Variants in PSPC1 observed in about 807,000 individuals in gnomAD.
PSPC1 encodes the protein paraspeckle component 1.
PSPC1 carries 14 observed loss-of-function variants against 51.6 expected under a neutral mutation model. That is an observed-to-expected ratio of 0.27 (90% CI 0.18 to 0.42). The LOEUF (loss-of-function observed/expected upper bound fraction) is 0.42. Ranked by LOEUF, PSPC1 falls within the 10% of genes least tolerant of loss-of-function variation. PSPC1 has a pLI of 1.00. For missense variants in PSPC1, 406 were observed against 701.1 expected, an observed-to-expected ratio of 0.58 and a Z score of 4.75; for synonymous variants, 193 against 231.9, an observed-to-expected ratio of 0.83 and a Z score of 1.53.
chr13:19,679,809 A>G (rs1225937035), intron 6 of PSPC1, among the ~76,000 whole-genome samples: 1 of 152,212 alleles, frequency 6.6e-6, no homozygotes, highest in Non-Finnish European at 1.5e-5. Flanking sequence ...GGCTGACAAT[A>G]AAAATAAACA....
At chr13:19,755,090 C>T (rs562866287) in intron 3 of PSPC1, among the ~76,000 whole-genome samples, 3 of 151,978 alleles carry the variant, frequency 2.0e-5, no homozygotes, top group Admixed American at 6.6e-5. Context: ...AAAAATGAGA[C>T]GGGCATGGTG....
chr13:19,674,515 G>C (rs923463013), downstream of PSPC1: 1 of 152,126 alleles, frequency 6.6e-6, no homozygotes, highest in Non-Finnish European at 1.5e-5. Context: ...TGAAAGTGAA[G>C]CACCCTCCCA....
intron 1 of PSPC1, among the ~76,000 whole-genome samples, chr13:19,779,058 C>A (rs1889556001): frequency 1.6e-5 from 2 of 126,020 alleles, no homozygotes; most frequent in African/African-American, 5.8e-5. Flanking sequence ...CTCTGCCCGG[C>A]CGAGACCCCG....
intron 5 of PSPC1, among the ~76,000 whole-genome samples, chr13:19,737,764 G>C (rs557620904): frequency 2.5e-4 from 38 of 152,166 alleles, no homozygotes; most frequent in African/African-American, 8.9e-4. Flanking sequence ...GAAGCTTCTA[G>C]GGCCTCTCAG....
downstream of PSPC1, among the ~76,000 whole-genome samples, chr13:19,673,748 A>AAAT (rs1876306259): frequency 3.9e-5 from 6 of 152,330 alleles, no homozygotes; most frequent in South Asian, 1.2e-3. Flanking sequence ...GATACAAACC[A>AAAT]AATAGGAATC....
intron 4 of PSPC1, among the ~76,000 whole-genome samples, chr13:19,750,975 G>A (rs1208871327): frequency 6.6e-6 from 1 of 151,960 alleles, no homozygotes; most frequent in East Asian, 1.9e-4. Flanking sequence ...CTCCAGGTTG[G>A]TCAGGCAGGT....
intron 6 of PSPC1, among the ~76,000 whole-genome samples, chr13:19,694,779 G>T (rs1277174778): frequency 6.6e-6 from 1 of 152,256 alleles, no homozygotes; most frequent in East Asian, 1.9e-4. Context: ...CAGAACTGTG[G>T]CCGCTTACTT....
At chr13:19,689,865 T>C (rs1243602324) in intron 6 of PSPC1, among the ~76,000 whole-genome samples, 2 of 152,234 alleles carry the variant, frequency 1.3e-5, no homozygotes, top group African/African-American at 4.8e-5. Flanking sequence ...ATGTCGATTT[T>C]ACAGGTAATG....
At chr13:19,764,654 C>T (rs1416963188) in intron 2 of PSPC1, among the ~76,000 whole-genome samples, 4 of 127,018 alleles carry the variant, frequency 3.1e-5, no homozygotes, top group South Asian at 5.1e-4. Context: ...CCACTGCACT[C>T]CAACCTGGGT....
At chr13:19,774,006 T>C (rs1361801394) in intron 1 of PSPC1, among the ~76,000 whole-genome samples, 1 of 152,166 alleles carries the variant, frequency 6.6e-6, no homozygotes, top group Non-Finnish European at 1.5e-5. Context: ...GGTTACACAT[T>C]TCTCACTATT....
At chr13:19,677,680 T>C (rs564437609) in intron 7 of PSPC1, 3 of 414,964 alleles carry the variant, frequency 7.2e-6, no homozygotes, top group South Asian at 5.2e-5. Context: ...AAGAAACGAA[T>C]ACTCAAGGAT....
chr13:19,705,493 CAA>C (rs397797926), intron 8 of PSPC1, among the ~76,000 whole-genome samples, 167 bp downstream of exon 8: 3 of 129,204 alleles, frequency 2.3e-5, no homozygotes, highest in African/African-American at 5.6e-5. Flanking sequence ...CTCTCTGTCT[CAA>C]AAAAAAAAAA....
At chr13:19,770,429 G>T (rs767393513) in intron 2 of PSPC1, among the ~76,000 whole-genome samples, 1 of 152,172 alleles carries the variant, frequency 6.6e-6, no homozygotes, top group Non-Finnish European at 1.5e-5. Flanking sequence ...GGAGGCTCAG[G>T]CAGGTGGATT....
At chr13:19,732,106 A>G (rs1884188739) in intron 5 of PSPC1, among the ~76,000 whole-genome samples, 1 of 152,206 alleles carries the variant, frequency 6.6e-6, no homozygotes, top group Admixed American at 6.5e-5. Context: ...TTCTATTACC[A>G]GAGAAAAAAC....
intron 6 of PSPC1, 39 bp from the exon 7 acceptor site, chr13:19,709,638 C>A (rs1881151506): frequency 7.5e-7 from 1 of 1,339,762 alleles, no homozygotes; most frequent in African/African-American, 1.5e-5. Flanking sequence ...ACCTATCGAT[C>A]TTATGACTTT....
At chr13:19,764,818 C>T (rs1349200456) in intron 2 of PSPC1, among the ~76,000 whole-genome samples, 1 of 152,038 alleles carries the variant, frequency 6.6e-6, no homozygotes, top group Non-Finnish European at 1.5e-5. Flanking sequence ...ATTGCAGCCT[C>T]GACCTACAAG....
intron 6 of PSPC1, among the ~76,000 whole-genome samples, chr13:19,726,157 A>T (rs1883339151): frequency 1.3e-5 from 2 of 152,148 alleles, no homozygotes; most frequent in African/African-American, 4.8e-5. Context: ...ACACAGCAAG[A>T]TACCATCAAT....
At chr13:19,681,269 T>G (rs1443163091) in intron 6 of PSPC1, among the ~76,000 whole-genome samples, 1 of 152,198 alleles carries the variant, frequency 6.6e-6, no homozygotes, top group Non-Finnish European at 1.5e-5. Context: ...AGCCCCATTC[T>G]TTTGAGAATG....
At chr13:19,755,205 C>T (rs536668064) in intron 3 of PSPC1, among the ~76,000 whole-genome samples, 64 of 150,872 alleles carry the variant, frequency 4.2e-4, no homozygotes, top group African/African-American at 1.5e-3. Context: ...CATTGCACTG[C>T]AGTCTGGGCA....
Sources: gnomAD v4.1 joint callset for allele counts (sites outside exome capture counted in the v4.1 genomes callset) on GRCh38, gnomAD v4.1.1 for gene constraint, MANE v1.5 for transcripts, NCBI Gene and HGNC (gene_info 2026-07-23, HGNC 2026-07-21) for gene names.